ZNF778: variants seen among roughly 807,000 people sequenced by gnomAD.
ZNF778 encodes the protein zinc finger protein 778.
Under a neutral mutation model 23.9 loss-of-function variants are expected in ZNF778, and 37 were observed. The ratio of observed to expected loss-of-function variants is 1.54; its 90% CI spans 1.19 to 2.03. ZNF778 has a LOEUF of 2.03. Among genes scored for constraint, ZNF778 ranks in the 30% most tolerant of loss-of-function variants. The pLI, the probability that ZNF778 is intolerant of heterozygous loss-of-function variation, is 0.00. For missense variants in ZNF778, 1,297 were observed against 934.4 expected, an observed-to-expected ratio of 1.39 and a Z score of -5.06; for synonymous variants, 483 against 343.9, an observed-to-expected ratio of 1.40 and a Z score of -4.48.
rs1228350806 is a variant in ZNF778 at position 89,230,536 on chromosome 16, T to C, written c.*1974T>C. 3 of 152,262 alleles carry C rather than the reference T, an allele frequency of 2.0e-5. No individual in the cohort carries two copies. Among genetic ancestry groups the C allele is most frequent in the Non-Finnish European group, 2.9e-5 (2 of 68,082 alleles). The allele number at this position is 152,262 out of a possible 1,614,324, so 9.4% of individuals were successfully genotyped here. ...CTGGGGCAGCTGCTGCTTGTGTGTG[T>C]GCTGCTCCTTTGTGTACCATGAAAA... On this transcript the variant is annotated 3_prime_UTR_variant, in exon 7 of 7. Transcript: ENST00000433976.
At chr16:89,219,073 C>G (rs1272224575) in intron 1 of ZNF778, among the ~76,000 whole-genome samples, 4 of 152,038 alleles carry the variant, frequency 2.6e-5, no homozygotes, top group Admixed American at 1.3e-4. Context: ...TGCCATTGCA[C>G]TCCAGCCTGG....
chr16:89,226,041 A>C (rs1016710775), intron 6 of ZNF778, among the ~76,000 whole-genome samples: 22 of 151,962 alleles, frequency 1.4e-4, no homozygotes, highest in African/African-American at 4.6e-4. Context: ...CCTCCCAAGT[A>C]GCTGGAACTA....
rs1047428867 is a variant in ZNF778, at chr16:89,221,583, C to CTCTG, written c.25+432_25+433insCTGT. Among the ~76,000 whole-genome samples, 65 of 141,520 alleles carry CTCTG rather than the reference C, an allele frequency of 4.6e-4. 1 individual carries two copies. The East Asian group carries it at 9.3e-3, about 20-fold the overall frequency. 92.8% of individuals were successfully genotyped at this position (141,520 alleles called of 152,430 possible). A position where few individuals can be genotyped will look rare whatever the true frequency, so the allele number is the denominator to read the frequency against. On this transcript the variant is annotated intron_variant, in intron 2 of 6. Transcript: ENST00000433976. ...TGTGTTTTCCTGAGGCACTGTATGGCTGTGTGTGTGTGTGTGTGTGTGTGT... is the reference window on the plus strand; with the variant it reads ...TGTGTTTTCCTGAGGCACTGTATGGCTCTGTGTGTGTGTGTGTGTGTGTGTGTGT...
Position 89,227,299 on chromosome 16 carries a change from T to C in ZNF778, c.1011T>C (p.Cys337=), listed in dbSNP as rs1488832731. 6.2e-7 allele frequency: 1 copy of C among 1,613,894 alleles called. No homozygotes were observed. The highest frequency in any genetic ancestry group is 2.2e-5 in the East Asian group (1 of 44,872). Residue 337 remains cysteine, a synonymous_variant, in exon 7 of 7, where the codon TGT becomes TGC. Coordinates refer to ENST00000433976, the MANE Select transcript of ZNF778 (RefSeq NM_001201407.2). The part of the protein sequence containing the change: ...HVRIHAAEKP[C]ECKECGKAFT... ...GAATTCATGCTGCAGAGAAACCCTGTGAATGTAAAGAATGCGGAAAAGCCT... is the reference window on the plus strand; with the variant it reads ...GAATTCATGCTGCAGAGAAACCCTGCGAATGTAAAGAATGCGGAAAAGCCT...
intron 1 of ZNF778, among the ~76,000 whole-genome samples, chr16:89,219,080 C>T (rs1456385980): frequency 6.6e-6 from 1 of 152,110 alleles, no homozygotes; most frequent in African/African-American, 2.4e-5. Context: ...GCACTCCAGC[C>T]TGGGCGACAG....
chr16:89,223,431 C>T (rs78195243), intron 4 of ZNF778, 148 bp downstream of exon 4: 16,090 of 1,120,220 alleles, frequency 0.014, 709 homozygotes, highest in East Asian at 0.14. Context: ...CTAGTGTGGT[C>T]GTTTCCAGAA....
At chr16:89,220,781 A>G (rs544097887) in intron 1 of ZNF778, among the ~76,000 whole-genome samples, 2 of 152,308 alleles carry the variant, frequency 1.3e-5, no homozygotes, top group East Asian at 3.9e-4. Flanking sequence ...TTTAGGTATG[A>G]ACACGGGTGA....
chr16:89,218,762 G>A (rs1002095548), intron 1 of ZNF778, among the ~76,000 whole-genome samples: 1 of 151,980 alleles, frequency 6.6e-6, no homozygotes, highest in African/African-American at 2.4e-5. Flanking sequence ...CTGCACTCCA[G>A]CCTGGGCGAC....
rs753028040 is a variant in ZNF778 at position 89,232,048 on chromosome 16, G to T, written c.*3486G>T. On this transcript the variant is annotated 3_prime_UTR_variant, in exon 7 of 7. Transcript: ENST00000433976. ...GAGTAATACCATATGCTGTGATGTGGATGTGATTGGTTTGCCCTCATCAAG... is the reference window on the plus strand; with the variant it reads ...GAGTAATACCATATGCTGTGATGTGTATGTGATTGGTTTGCCCTCATCAAG... 1 of 155,424 alleles carries T rather than the reference G, an allele frequency of 6.4e-6. No homozygotes were observed. The highest frequency in any genetic ancestry group is 1.4e-5 in the Non-Finnish European group (1 of 69,896). The allele number at this position is 155,424 out of a possible 1,614,324, so 9.6% of individuals were successfully genotyped here.
At position 89,227,199 on chromosome 16, in the gene ZNF778, C is replaced by G. The variant is rs186658378; in HGVS notation, c.911C>G (p.Pro304Arg). ...AYLTGRVQVH[P>R]GEKPCELEEC... ...CTTACTGGTCGCGTGCAAGTCCACC[C>G]TGGGGAAAAGCCCTGTGAATTGGAA... is the stretch of plus-strand genomic sequence containing the variant. The change falls in exon 7 of 7, where the codon CCT becomes CGT. Residue 304 changes from proline to arginine, a missense_variant. Physicochemically the swap from Pro to Arg is moderately radical, Grantham distance 103 (BLOSUM62 -2). Coordinates refer to ENST00000433976, the MANE Select transcript of ZNF778 (RefSeq NM_001201407.2). The G allele has an allele frequency of 1.2e-6, 2 of 1,613,998 alleles. No homozygotes were observed. The highest frequency in any genetic ancestry group is 1.6e-4 in the Middle Eastern group (1 of 6,062).
At chr16:89,220,573 G>C (rs2030831922) in intron 1 of ZNF778, among the ~76,000 whole-genome samples, 1 of 152,184 alleles carries the variant, frequency 6.6e-6, no homozygotes, top group South Asian at 2.1e-4. Context: ...TGGAAGAATT[G>C]CTTGAACCTG....
chr16:89,232,293 C>G lies in ZNF778; in HGVS notation c.*3731C>G, dbSNP rs115252188. 1 of 222,128 alleles carries G rather than the reference C, an allele frequency of 4.5e-6. No individual in the cohort carries two copies. The highest frequency in any genetic ancestry group is 9.1e-6 in the Non-Finnish European group (1 of 109,884). The allele number at this position is 222,128 out of a possible 1,614,324, so 13.8% of individuals were successfully genotyped here. On this transcript the variant is annotated 3_prime_UTR_variant, in exon 7 of 7. Transcript: ENST00000433976. ...GCTCACTGCCCTTGACCTTCTCTGC[C>G]CTGTTTGACACAGCAAATAGTCCTC...
rs1451770564 is a variant in ZNF778, at chr16:89,231,921, A to C, written c.*3359A>C. 2 of 152,416 alleles carry C rather than the reference A, an allele frequency of 1.3e-5. No homozygotes were observed. Among genetic ancestry groups the C allele is most frequent in the Non-Finnish European group, 1.5e-5 (1 of 68,202 alleles). 9.4% of individuals were successfully genotyped at this position (152,416 alleles called of 1,614,324 possible). On this transcript the variant is annotated 3_prime_UTR_variant, in exon 7 of 7. Coordinates refer to ENST00000433976, the MANE Select transcript of ZNF778 (RefSeq NM_001201407.2). The stretch of plus-strand genomic sequence containing the variant: ...TCATACCCTCCTGCAGCAGAACTAC[A>C]GACCTGCCATCCTGATAATTGTCAA...
chr16:89,227,983 A>G lies in ZNF778; in HGVS notation c.1695A>G (p.Val565=). ...HTEEKPFICT[V]CRKSFRNSSC... Reference sequence around the variant, plus strand: ...AGGAGAAGCCCTTTATATGTACGGTATGCAGGAAATCCTTCAGAAATTCCT... The same window carrying G: ...AGGAGAAGCCCTTTATATGTACGGTGTGCAGGAAATCCTTCAGAAATTCCT... Residue 565 remains valine, a synonymous_variant, in exon 7 of 7, where the codon GTA becomes GTG. Coordinates refer to ENST00000433976, the MANE Select transcript of ZNF778 (RefSeq NM_001201407.2). The G allele has an allele frequency of 6.3e-7, 1 of 1,589,930 alleles. No homozygotes were observed. The highest frequency in any genetic ancestry group is 8.6e-7 in the Non-Finnish European group (1 of 1,165,036).
chr16:89,233,180 C>G lies in ZNF778; in HGVS notation c.*4618C>G, dbSNP rs1243549344. Reference sequence around the variant, plus strand: ...AACTCAGCTCGCACTGCGTATGCAACTCAGCTCGCACTGCGTATGCAACTC... The same window carrying G: ...AACTCAGCTCGCACTGCGTATGCAAGTCAGCTCGCACTGCGTATGCAACTC... On this transcript the variant is annotated 3_prime_UTR_variant, in exon 7 of 7. Transcript: ENST00000433976. 2 of 523,018 alleles carry G rather than the reference C, an allele frequency of 3.8e-6. No homozygotes were observed. Among genetic ancestry groups the G allele is most frequent in the African/African-American group, 5.2e-5 (2 of 38,458 alleles). The allele number at this position is 523,018 out of a possible 1,614,324, so 32.4% of individuals were successfully genotyped here.
At chr16:89,220,427 G>A (rs530981443) in intron 1 of ZNF778, among the ~76,000 whole-genome samples, 1 of 152,168 alleles carries the variant, frequency 6.6e-6, no homozygotes, top group Admixed American at 6.6e-5. Flanking sequence ...GGAGGCCGAG[G>A]TGGGCGGATC....
chr16:89,222,237 G>A (rs903697797), intron 3 of ZNF778, 54 bp downstream of exon 3: 81 of 1,421,632 alleles, frequency 5.7e-5, no homozygotes, highest in Non-Finnish European at 7.5e-5. Flanking sequence ...TCAGCAGATA[G>A]ACAAGTTTCT....
At position 89,223,280 on chromosome 16, in the gene ZNF778, G is replaced by C; in HGVS notation, c.241G>C (p.Val81Leu). The C allele has an allele frequency of 1.2e-6, 2 of 1,613,978 alleles. No individual in the cohort carries two copies. Among genetic ancestry groups the C allele is most frequent in the African/African-American group, 2.7e-5 (2 of 75,038 alleles). Residue 81 changes from valine (V) to leucine (L), a missense_variant, in exon 4 of 7, where the codon GTA becomes CTA. Transcript: ENST00000433976. ...MLENYENLASVGHHLFQPSVI... is the reference protein window; with the variant it reads ...MLENYENLASLGHHLFQPSVI... ...GGAAAACTACGAGAACCTGGCCTCAGTAGGTGAGGCTGCCACCGTCCTTTG... is the reference window on the plus strand; with the variant it reads ...GGAAAACTACGAGAACCTGGCCTCACTAGGTGAGGCTGCCACCGTCCTTTG...
rs373310112 is a variant in ZNF778, at chr16:89,223,196, C to T, written c.157C>T (p.Gln53Ter). The T allele has an allele frequency of 3.1e-6, 5 of 1,613,882 alleles. No individual in the cohort carries two copies. The African/African-American group carries it at 4.0e-5, about 13-fold the overall frequency. Residue 53 changes from glutamine (Q) to a stop codon, truncating the protein, a stop_gained, in exon 4 of 7, where the codon CAG becomes TAG. Transcript: ENST00000433976. LOFTEE classifies it high-confidence loss of function. ...TFDDVAVDFTQEEWTLLDPSQ... is the reference protein window; with the variant it reads ...TFDDVAVDFT ...TGACGACGTGGCTGTGGACTTCACC[C>T]AGGAGGAATGGACTTTACTGGACCC...
Sources: gnomAD v4.1 joint callset for allele counts (sites outside exome capture counted in the v4.1 genomes callset) on GRCh38, gnomAD v4.1.1 for gene constraint, MANE v1.5 for transcripts, NCBI Gene and HGNC (gene_info 2026-07-23, HGNC 2026-07-21) for gene names.